Variants in LRRC41 observed in about 807,000 individuals in gnomAD.
LRRC41 encodes leucine rich repeat containing 41, also known as leucine-rich repeat-containing protein 41.
A neutral mutation model predicts 72.1 loss-of-function variants in LRRC41; 17 were observed. That is an observed-to-expected ratio of 0.24 (90% CI 0.16 to 0.35). The LOEUF (loss-of-function observed/expected upper bound fraction) is 0.35, where lower values mean the gene tolerates loss of function less well. Among genes scored for constraint, LRRC41 ranks in the 10% least tolerant of loss-of-function variants. The probability of loss-of-function intolerance (pLI) is 1.00; values close to 1 mark genes in which losing one functional copy is unlikely to be tolerated. For missense variants in LRRC41, 759 were observed against 1,065.0 expected, an observed-to-expected ratio of 0.71 and a Z score of 4.00; for synonymous variants, 427 against 431.0, an observed-to-expected ratio of 0.99 and a Z score of 0.11.
In LRRC41 at chr1:46,278,941, A is replaced by G. The variant is rs1660706323; in HGVS notation, c.2363T>C (p.Leu788Pro). Residue 788 changes from leucine (L) to proline (P), a missense_variant, in exon 10 of 10, where the codon CTC becomes CCC. Physicochemically the swap from Leu to Pro is moderately conservative, Grantham distance 98. This residue lies in a region of LRRC41 where 110 missense variants were observed against 227.0 expected (regional missense o/e 0.48). Transcript: ENST00000617190. ...AVTAREAIRR[L>P]RATCHVVSDS... Reference sequence around the variant, plus strand: ...GCTAACCACATGGCAGGTAGCCCGGAGCCGCCGGATGGCTTCCCTGGCTGT... The same window carrying G: ...GCTAACCACATGGCAGGTAGCCCGGGGCCGCCGGATGGCTTCCCTGGCTGT... The G allele has an allele frequency of 6.2e-7, 1 of 1,613,810 alleles. No homozygotes were observed. Among genetic ancestry groups the G allele is most frequent in the Non-Finnish European group, 8.5e-7 (1 of 1,180,028 alleles).
At position 46,278,762 on chromosome 1, in the gene LRRC41, A is replaced by T; in HGVS notation, c.*103T>A. ...AAGGAAAAAAGAGAAAAAAGGTGAC[A>T]GAAAGAGAAAGATAGAACTGGTGGT... On this transcript the variant is annotated 3_prime_UTR_variant, in exon 10 of 10. Transcript: ENST00000617190. The T allele has an allele frequency of 8.6e-7, 1 of 1,165,694 alleles. No homozygotes were observed. The highest frequency in any genetic ancestry group is 1.2e-6 in the Non-Finnish European group (1 of 809,772). 72.2% of individuals were successfully genotyped at this position (1,165,694 alleles called of 1,614,324 possible). A position where few individuals can be genotyped will look rare whatever the true frequency, so the allele number is the denominator to read the frequency against.
Position 46,303,277 on chromosome 1 carries a change from C to T in LRRC41, c.46G>A (p.Glu16Lys), listed in dbSNP as rs1661286423. The change falls in exon 1 of 10, where the codon GAG becomes AAG. Residue 16 changes from glutamate (E) to lysine (K), a missense_variant. By Grantham distance (56) the Glu-to-Lys change is moderately conservative. This residue lies in a region of LRRC41 where 106 missense variants were observed against 66.1 expected (regional missense o/e 1.60). Coordinates refer to ENST00000617190, the MANE Select transcript of LRRC41 (RefSeq NM_006369.5). ...TCCATGGTCGTTGCCGCCGCTACCTCACAGAACCAGCAACTCCGGGCGCGC... is the reference window on the plus strand; with the variant it reads ...TCCATGGTCGTTGCCGCCGCTACCTTACAGAACCAGCAACTCCGGGCGCGC... ...AWRARSCWFC[E>K]VAAATTMEAT... 1.3e-6 allele frequency: 2 copies of T among 1,544,466 alleles called. No individual in the cohort carries two copies. The highest frequency in any genetic ancestry group is 1.2e-5 in the South Asian group (1 of 83,938).
In LRRC41 at chr1:46,278,700, C is replaced by T. The variant is rs1267271994; in HGVS notation, c.*165G>A. ...GCTGTGAGAATGCCTGTTTGCTGGG[C>T]CTCATCAAGGCCTCCAGGACCTCAG... On this transcript the variant is annotated 3_prime_UTR_variant, in exon 10 of 10. Transcript: ENST00000617190. 7.4e-6 allele frequency: 5 copies of T among 673,494 alleles called. No individual in the cohort carries two copies. In the East Asian group the frequency reaches 8.2e-5, roughly 11 times the overall value. 41.7% of individuals were successfully genotyped at this position (673,494 alleles called of 1,614,324 possible). A position where few individuals can be genotyped will look rare whatever the true frequency, so the allele number is the denominator to read the frequency against.
chr1:46,297,616 T>C lies in LRRC41; in HGVS notation c.304A>G (p.Ile102Val). 6.2e-7 allele frequency: 1 copy of C among 1,614,110 alleles called. No homozygotes were observed. Among genetic ancestry groups the C allele is most frequent in the Non-Finnish European group, 8.5e-7 (1 of 1,179,930 alleles). ...ALKKGLSTQA[I>V]WRRLWDELMK... is the part of the protein sequence containing the mutation. ...AGTTCATCCCAGAGTCGGCGCCAGA[T>C]GGCCTGAGTTGAGAGGCCTGTAAGG... The change falls in exon 3 of 10, where the codon ATC becomes GTC. Residue 102 changes from isoleucine (I) to valine (V), a missense_variant. Physicochemically the swap from Ile to Val is conservative, Grantham distance 29 (BLOSUM62 3). Transcript: ENST00000617190.
Position 46,294,701 on chromosome 1 carries a change from TCTC to T in LRRC41, c.357+2859_357+2861del, listed in dbSNP as rs1424068539. On this transcript the variant is annotated intron_variant, in intron 3 of 9. Coordinates refer to ENST00000617190, the MANE Select transcript of LRRC41 (RefSeq NM_006369.5). Reference sequence around the variant, plus strand: ...CCTCTGCCTCCTGGGTTCAAGCAATTCTCCTGCCTCAGCCTCTTGAGTAGCTGG... The same window carrying T: ...CCTCTGCCTCCTGGGTTCAAGCAATTCTGCCTCAGCCTCTTGAGTAGCTGG... Among the ~76,000 whole-genome samples, 4 of 150,894 alleles carry T rather than the reference TCTC, an allele frequency of 2.7e-5. No homozygotes were observed. The East Asian group carries it at 7.9e-4, about 30-fold the overall frequency.
At chr1:46,301,954 G>A in intron 1 of LRRC41, 1 of 985,214 alleles carries the variant, frequency 1.0e-6, no homozygotes, top group Non-Finnish European at 1.2e-6. Context: ...TCCCCAGCGC[G>A]GCTAGGCCTG....
chr1:46,281,480 A>T (rs137938689), intron 4 of LRRC41, 95 bp from the exon 5 acceptor site: 11 of 1,222,214 alleles, frequency 9.0e-6, no homozygotes, highest in Non-Finnish European at 1.2e-5. Flanking sequence ...GTTACTAGCA[A>T]ATCTCTTGGG....
At chr1:46,303,003 T>G (rs1354638329) in intron 1 of LRRC41, 121 bp downstream of exon 1, 2 of 1,313,038 alleles carry the variant, frequency 1.5e-6, no homozygotes, top group African/African-American at 3.1e-5. Context: ...TCCTACGAGC[T>G]GGCTTTCAGC....
chr1:46,296,605 C>T (rs72883415), intron 3 of LRRC41: 1 of 152,188 alleles, frequency 6.6e-6, no homozygotes, highest in African/African-American at 2.4e-5. Flanking sequence ...ATGAGAGCTC[C>T]AGTGATTTAT....
intron 4 of LRRC41, among the ~76,000 whole-genome samples, chr1:46,283,011 A>T (rs1388787047): frequency 6.6e-6 from 1 of 150,524 alleles, no homozygotes; most frequent in African/African-American, 2.5e-5. Flanking sequence ...GTGACAACAG[A>T]GACTCCCTGT....
Position 46,278,246 on chromosome 1 carries a change from C to T in LRRC41, c.*619G>A, listed in dbSNP as rs1389366532. The T allele has an allele frequency of 1.2e-6, 2 of 1,613,852 alleles. No homozygotes were observed. The highest frequency in any genetic ancestry group is 1.7e-6 in the Non-Finnish European group (2 of 1,179,948). ...CCACTGCCATCACCTTCGTCTTCCA[C>T]CAGCGTTCTCATGAGGAGCAGCGGG... On this transcript the variant is annotated 3_prime_UTR_variant, in exon 10 of 10. Coordinates refer to ENST00000617190, the MANE Select transcript of LRRC41 (RefSeq NM_006369.5).
At position 46,278,782 on chromosome 1, in the gene LRRC41, G is replaced by A. The variant is rs765210204; in HGVS notation, c.*83C>T. 7.8e-7 allele frequency: 1 copy of A among 1,278,166 alleles called. No homozygotes were observed. The allele number at this position is 1,278,166 out of a possible 1,614,324, so 79.2% of individuals were successfully genotyped here. On this transcript the variant is annotated 3_prime_UTR_variant, in exon 10 of 10. Coordinates refer to ENST00000617190, the MANE Select transcript of LRRC41 (RefSeq NM_006369.5). ...GTGACAGAAAGAGAAAGATAGAACT[G>A]GTGGTTGGGGTTCTGGGCAGCCCAT...
intron 4 of LRRC41, among the ~76,000 whole-genome samples, chr1:46,283,498 G>C (rs934867732): frequency 6.6e-6 from 1 of 152,120 alleles, no homozygotes; most frequent in African/African-American, 2.4e-5. Context: ...AATGAGTTGG[G>C]TGGGGTATTG....
rs1371120914 is a variant in LRRC41 at position 46,286,305 on chromosome 1, G to A, written c.552C>T (p.Asn184=). Reference sequence around the variant, plus strand: ...TGGCCAGGGTCTCCAGAACCCTGCGGTTGGGCTCAGCCACCAGCTCGGTTG... The same window carrying A: ...TGGCCAGGGTCTCCAGAACCCTGCGATTGGGCTCAGCCACCAGCTCGGTTG... ...QGATELVAEP[N]RRVLETLASS... is the part of the protein sequence containing the mutation. Residue 184 remains asparagine, a synonymous_variant, in exon 4 of 10, where the codon AAC becomes AAT. Transcript: ENST00000617190. The surrounding 1 kb of genome is among the most constrained non-coding windows in gnomAD (Gnocchi z 5.5). 1.9e-6 allele frequency: 3 copies of A among 1,614,120 alleles called. No individual in the cohort carries two copies. Among genetic ancestry groups the A allele is most frequent in the Non-Finnish European group, 2.5e-6 (3 of 1,180,046 alleles).
intron 1 of LRRC41, chr1:46,299,079 A>G (rs1382991053): frequency 2.0e-5 from 3 of 152,258 alleles, no homozygotes; most frequent in African/African-American, 4.8e-5. Flanking sequence ...TAAAGTCAAT[A>G]TATCTTAAAA....
intron 4 of LRRC41, among the ~76,000 whole-genome samples, chr1:46,283,354 C>A (rs368048114): frequency 1.3e-5 from 2 of 152,152 alleles, no homozygotes; most frequent in African/African-American, 4.8e-5. Context: ...CTTAATGGCT[C>A]ATGACTATAA....
In LRRC41 at chr1:46,280,451, A is replaced by C; in HGVS notation, c.1866T>G (p.Asp622Glu). ...ASGSLQQLSL[D>E]SATFASPQDF... ...CCTGGGGAGAGGCAAAGGTGGCACT[A>C]TCCAGGGACAGCTGCTGCAGAGAAC... Residue 622 changes from aspartate (D) to glutamate (E), a missense_variant, in exon 6 of 10, where the codon GAT (aspartate) becomes GAG (glutamate). Around this residue, in one of 4 missense-constraint regions of LRRC41, gnomAD observed 427 missense variants for 520.9 expected, o/e 0.82. Transcript: ENST00000617190. 1 of 1,614,212 alleles carries C rather than the reference A, an allele frequency of 6.2e-7. No homozygotes were observed. The highest frequency in any genetic ancestry group is 8.5e-7 in the Non-Finnish European group (1 of 1,180,028).
chr1:46,298,765 T>G (rs1661171986), intron 1 of LRRC41: 1 of 158,218 alleles, frequency 6.3e-6, no homozygotes. Context: ...CTGCTTTGCC[T>G]CCTACATTTC....
intron 3 of LRRC41, among the ~76,000 whole-genome samples, chr1:46,287,251 G>A (rs912514970): frequency 6.6e-6 from 1 of 152,178 alleles, no homozygotes; most frequent in African/African-American, 2.4e-5. Flanking sequence ...TGGGACTACA[G>A]GCACCCGCCA....
Sources: gnomAD v4.1 joint callset for allele counts (sites outside exome capture counted in the v4.1 genomes callset) on GRCh38, gnomAD v4.1.1 for gene constraint, gnomAD v4.1.1 regional missense constraint, Gnocchi (gnomAD v3.1) non-coding constraint, MANE v1.5 for transcripts, NCBI Gene and HGNC (gene_info 2026-07-23, HGNC 2026-07-21) for gene names.